UNG: variants seen among roughly 807,000 people sequenced by gnomAD.
UNG encodes uracil-DNA glycosylase.
UNG carries 34 observed loss-of-function variants against 36.5 expected under a neutral mutation model. The ratio of observed to expected loss-of-function variants is 0.93; its 90% confidence interval spans 0.71 to 1.24. The LOEUF (loss-of-function observed/expected upper bound fraction) is 1.24, where lower values mean the gene tolerates loss of function less well. Among genes scored for constraint, UNG ranks in the 50% most tolerant of loss-of-function variants. UNG has a pLI of 0.00. For missense variants in UNG, 391 were observed against 397.6 expected (o/e 0.98, Z 0.14); for synonymous variants, 172 against 157.8 (o/e 1.09, Z -0.67).
At chr12:109,099,413 G>C in intron 3 of UNG, 129 bp downstream of exon 3, 1 of 816,772 alleles carries the variant, frequency 1.2e-6, no homozygotes, top group Non-Finnish European at 2.0e-6. Flanking sequence ...CCCGAGGTTT[G>C]GCTGACTGTA....
Position 109,101,221 on chromosome 12 carries a change from T to G in UNG, c.436-681T>G, listed in dbSNP as rs534355152. On this transcript the variant is annotated intron_variant, in intron 3 of 6. Coordinates refer to ENST00000242576, the MANE Select transcript of UNG (RefSeq NM_080911.3). ...GATTCTCCTGCCTCAGCCTCCCGAGTAGCTGGGACTACAGGTGTGCGCCAC... is the reference window on the plus strand; with the variant it reads ...GATTCTCCTGCCTCAGCCTCCCGAGGAGCTGGGACTACAGGTGTGCGCCAC... Among the ~76,000 whole-genome samples the G allele has an allele frequency of 4.9e-5, 7 of 143,980 alleles. No individual in the cohort carries two copies. The East Asian group carries it at 1.5e-3, about 31-fold the overall frequency. 94.5% of individuals were successfully genotyped at this position (143,980 alleles called of 152,430 possible). A position where few individuals can be genotyped will look rare whatever the true frequency, so the allele number is the denominator to read the frequency against.
chr12:109,105,744 C>G (rs2042210854), intron 6 of UNG, among the ~76,000 whole-genome samples: 1 of 152,176 alleles, frequency 6.6e-6, no homozygotes, highest in South Asian at 2.1e-4. Context: ...CCTTCCCAGT[C>G]AGTCAGTCAT....
rs867453056 is a variant in UNG, at chr12:109,110,152, C to T, written c.*183C>T. 2 of 740,048 alleles carry T rather than the reference C, an allele frequency of 2.7e-6. No homozygotes were observed. 45.8% of individuals were successfully genotyped at this position (740,048 alleles called of 1,614,324 possible). A position where few individuals can be genotyped will look rare whatever the true frequency, so the allele number is the denominator to read the frequency against. On this transcript the variant is annotated 3_prime_UTR_variant, in exon 7 of 7. Coordinates refer to ENST00000242576, the MANE Select transcript of UNG (RefSeq NM_080911.3). ...TGTATCCAACCACAAACAACAAAGG[C>T]TACCCTTTGACCAAATGTCTTTCTC... is the stretch of plus-strand genomic sequence containing the variant.
In UNG at chr12:109,110,282, C is replaced by G. The variant is rs886048909; in HGVS notation, c.*313C>G. Reference sequence around the variant, plus strand: ...TTTATGGTGAAACAGGGGAGATGTGCACCTTTCAGGCACAGCCCTAGTTTG... The same window carrying G: ...TTTATGGTGAAACAGGGGAGATGTGGACCTTTCAGGCACAGCCCTAGTTTG... On this transcript the variant is annotated 3_prime_UTR_variant, in exon 7 of 7. Transcript: ENST00000242576. 16 of 384,204 alleles carry G rather than the reference C, an allele frequency of 4.2e-5. No individual in the cohort carries two copies. The highest frequency in any genetic ancestry group is 7.4e-5 in the Non-Finnish European group (15 of 203,718). The allele number at this position is 384,204 out of a possible 1,614,324, so 23.8% of individuals were successfully genotyped here. A position where few individuals can be genotyped will look rare whatever the true frequency, so the allele number is the denominator to read the frequency against.
chr12:109,097,984 C>T, intron 1 of UNG, 173 bp downstream of exon 1: 1 of 1,261,668 alleles, frequency 7.9e-7, no homozygotes. Flanking sequence ...GGCCGCCATG[C>T]TAAAGGGCCA....
chr12:109,102,767 C>A, intron 4 of UNG, 72 bp from the exon 5 acceptor site: 2 of 1,261,514 alleles, frequency 1.6e-6, no homozygotes, highest in Non-Finnish European at 2.3e-6. Flanking sequence ...TCACATATGT[C>A]TTAGACGTTA....
At position 109,102,945 on chromosome 12, in the gene UNG, AGAT is replaced by A; in HGVS notation, c.622+19_622+21del. 2.7e-6 allele frequency: 3 copies of A among 1,104,502 alleles called. No homozygotes were observed. Among genetic ancestry groups the A allele is most frequent in the Non-Finnish European group, 4.0e-6 (3 of 743,704 alleles). The allele number at this position is 1,104,502 out of a possible 1,614,324, so 68.4% of individuals were successfully genotyped here. On this transcript the variant is annotated intron_variant, in intron 5 of 6. Coordinates refer to ENST00000242576, the MANE Select transcript of UNG (RefSeq NM_080911.3). ...CAAGCAAGGTAAGCCAGCGACTGCT[AGAT>A]TTTTTTTTTTTTTTTTTTTTTGAGA...
rs760528403 is a variant in UNG, at chr12:109,109,833, G to A, written c.806G>A (p.Arg269Gln). 16 of 1,613,186 alleles carry A rather than the reference G, an allele frequency of 9.9e-6. No individual in the cohort carries two copies. The highest frequency in any genetic ancestry group is 1.6e-4 in the Middle Eastern group (1 of 6,078). Residue 269 changes from arginine (R) to glutamine (Q), a missense_variant, in exon 7 of 7, where the codon CGG (arginine) becomes CAG (glutamine). Transcript: ENST00000242576. ...TTTATTCTTGATCTTTTTCAGAAGC[G>A]GCACCATGTACTACAGACGGCTCAT... ...QKKGSAIDRKRHHVLQTAHPS... is the reference protein window; with the variant it reads ...QKKGSAIDRKQHHVLQTAHPS...
chr12:109,110,276 G>A lies in UNG; in HGVS notation c.*307G>A. The A allele has an allele frequency of 2.5e-6, 1 of 395,404 alleles. No homozygotes were observed. Among genetic ancestry groups the A allele is most frequent in the Non-Finnish European group, 4.7e-6 (1 of 210,800 alleles). 24.5% of individuals were successfully genotyped at this position (395,404 alleles called of 1,614,324 possible). A position where few individuals can be genotyped will look rare whatever the true frequency, so the allele number is the denominator to read the frequency against. On this transcript the variant is annotated 3_prime_UTR_variant, in exon 7 of 7. Coordinates refer to ENST00000242576, the MANE Select transcript of UNG (RefSeq NM_080911.3). ...CTTGCCTTTATGGTGAAACAGGGGA[G>A]ATGTGCACCTTTCAGGCACAGCCCT...
intron 3 of UNG, among the ~76,000 whole-genome samples, chr12:109,100,726 G>T (rs1050480940): frequency 1.6e-4 from 25 of 152,206 alleles, no homozygotes; most frequent in Admixed American, 3.9e-4. Flanking sequence ...ACCAGCATTG[G>T]GAGAGTTGTT....
At chr12:109,099,381 G>GTGTTTTATT in intron 3 of UNG, 97 bp downstream of exon 3, 1 of 1,054,024 alleles carries the variant, frequency 9.5e-7, no homozygotes, top group Non-Finnish European at 1.5e-6. Context: ...CCATCATTCA[G>GTGTTTTATT]TAGTAAATAA....
intron 1 of UNG, chr12:109,098,148 G>C: frequency 2.2e-6 from 3 of 1,389,140 alleles, no homozygotes; most frequent in Non-Finnish European, 2.8e-6. Context: ...GGTGGGGCGG[G>C]TCTGGCGGGG....
chr12:109,098,569 G>C lies in UNG; in HGVS notation c.270G>C (p.Val90=). The C allele has an allele frequency of 1.2e-6, 2 of 1,613,404 alleles. No homozygotes were observed. Among genetic ancestry groups the C allele is most frequent in the Non-Finnish European group, 1.7e-6 (2 of 1,179,988 alleles). ...TGCTCAGACTCGCGGCCCGCAACGT[G>C]CCCGTGGGCTTTGGAGAGAGCTGGA... ...AALLRLAARN[V]PVGFGESWKK... The change falls in exon 2 of 7, where the codon GTG becomes GTC. Residue 90 remains valine, a synonymous_variant. Transcript: ENST00000242576.
chr12:109,100,370 CG>C (rs1336351383), intron 3 of UNG, among the ~76,000 whole-genome samples: 1 of 152,168 alleles, frequency 6.6e-6, no homozygotes, highest in African/African-American at 2.4e-5. Flanking sequence ...TTTCCTCCCC[CG>C]TTTTGTAAAC....
In UNG at chr12:109,109,907, T is replaced by C. The variant is rs1262081999; in HGVS notation, c.880T>C (p.Ser294Pro). ...YRGFFGCRHFSKTNELLQKSG... is the reference protein window; with the variant it reads ...YRGFFGCRHFPKTNELLQKSG... The stretch of plus-strand genomic sequence containing the variant: ...AGGGTTCTTTGGATGTAGACACTTT[T>C]CAAAGACCAATGAGCTGCTGCAGAA... The change falls in exon 7 of 7, where the codon TCA becomes CCA. Residue 294 changes from serine (S) to proline (P), a missense_variant. By Grantham distance (74) the Ser-to-Pro change is moderately conservative. Transcript: ENST00000242576. 2 of 1,614,066 alleles carry C rather than the reference T, an allele frequency of 1.2e-6. No individual in the cohort carries two copies. The highest frequency in any genetic ancestry group is 2.7e-5 in the African/African-American group (2 of 74,920).
At position 109,097,840 on chromosome 12, in the gene UNG, G is replaced by A. The variant is rs2135881169; in HGVS notation, c.132+29G>A. ...AGGCGCGGCTTGGGCCGGGGCTAGG[G>A]GGTGAAGGGGGAGGAAGGCGGTGGG... On this transcript the variant is annotated intron_variant, in intron 1 of 6. Coordinates refer to ENST00000242576, the MANE Select transcript of UNG (RefSeq NM_080911.3). 5 of 1,503,372 alleles carry A rather than the reference G, an allele frequency of 3.3e-6. No individual in the cohort carries two copies. In the East Asian group the frequency reaches 1.2e-4, roughly 37 times the overall value. 93.1% of individuals were successfully genotyped at this position (1,503,372 alleles called of 1,614,324 possible).
chr12:109,104,416 C>T (rs2042201950), intron 6 of UNG, among the ~76,000 whole-genome samples: 2 of 152,042 alleles, frequency 1.3e-5, no homozygotes, highest in Non-Finnish European at 2.9e-5. Context: ...AGTGGCTCCC[C>T]TCCCTACATC....
rs779142271 is a variant in UNG, at chr12:109,110,003, T to G, written c.*34T>G. On this transcript the variant is annotated 3_prime_UTR_variant, in exon 7 of 7. Transcript: ENST00000242576. Reference sequence around the variant, plus strand: ...TGAGGGGTGGCCTTTGAGAAGCTGCTGTTAACGTATTTGCCAGTTACGAAG... The same window carrying G: ...TGAGGGGTGGCCTTTGAGAAGCTGCGGTTAACGTATTTGCCAGTTACGAAG... The G allele has an allele frequency of 6.2e-7, 1 of 1,613,966 alleles. No homozygotes were observed. Among genetic ancestry groups the G allele is most frequent in the Non-Finnish European group, 8.5e-7 (1 of 1,179,964 alleles).
chr12:109,110,136 C>A lies in UNG; in HGVS notation c.*167C>A. On this transcript the variant is annotated 3_prime_UTR_variant, in exon 7 of 7. Transcript: ENST00000242576. The stretch of plus-strand genomic sequence containing the variant: ...GTCCAGGAATGGCAGCTGTATCCAA[C>A]CACAAACAACAAAGGCTACCCTTTG... The A allele has an allele frequency of 7.1e-6, 6 of 844,638 alleles. No homozygotes were observed. The Admixed American group carries it at 9.4e-5, about 13-fold the overall frequency. The allele number at this position is 844,638 out of a possible 1,614,324, so 52.3% of individuals were successfully genotyped here.
Sources: gnomAD v4.1 joint callset for allele counts (sites outside exome capture counted in the v4.1 genomes callset) on GRCh38, gnomAD v4.1.1 for gene constraint, MANE v1.5 for transcripts, NCBI Gene and HGNC (gene_info 2026-07-23, HGNC 2026-07-21) for gene names.